TMPRSS15: variants seen among roughly 807,000 people sequenced by gnomAD.
TMPRSS15 encodes enteropeptidase.
A neutral mutation model predicts 125.3 loss-of-function variants in TMPRSS15; 128 were observed. That is an observed-to-expected ratio of 1.02 (90% CI 0.89 to 1.18). The LOEUF is 1.18. Among genes scored for constraint, TMPRSS15 ranks in the 50% most tolerant of loss-of-function variants. TMPRSS15 has a pLI of 0.00. For synonymous variants in TMPRSS15, 446 were observed against 423.2 expected (o/e 1.05, Z -0.66); for missense variants, 1,283 against 1,212.7 (o/e 1.06, Z -0.86).
intron 3 of TMPRSS15, among the ~76,000 whole-genome samples, chr21:18,388,997 G>T (rs1787449244): frequency 6.6e-6 from 1 of 151,776 alleles, no homozygotes; most frequent in African/African-American, 2.4e-5. Flanking sequence ...ATGGGTGTAG[G>T]GGCAGCTCCT....
At chr21:18,362,401 T>C (rs867077626) in intron 7 of TMPRSS15, among the ~76,000 whole-genome samples, 1 of 152,180 alleles carries the variant, frequency 6.6e-6, no homozygotes, top group Non-Finnish European at 1.5e-5. Flanking sequence ...AACGCAAGCA[T>C]GAGGAGCCCC....
intron 3 of TMPRSS15, among the ~76,000 whole-genome samples, chr21:18,386,108 A>G (rs1410421346): frequency 2.6e-5 from 4 of 152,186 alleles, no homozygotes; most frequent in African/African-American, 9.7e-5. Flanking sequence ...TGAAAATTCT[A>G]ACAAGCATAC....
chr21:18,273,759 TA>T (rs1176051342), intron 24 of TMPRSS15, among the ~76,000 whole-genome samples: 1 of 152,146 alleles, frequency 6.6e-6, no homozygotes. Context: ...CTTTTCATTT[TA>T]AAAAAGAAGT....
chr21:18,485,454 T>C (rs1405046985), intron 1 of TMPRSS15, among the ~76,000 whole-genome samples: 1 of 152,038 alleles, frequency 6.6e-6, no homozygotes, highest in Non-Finnish European at 1.5e-5. Context: ...TGGCCTTTTG[T>C]AGATAGCTTT....
intron 1 of TMPRSS15, among the ~76,000 whole-genome samples, chr21:18,440,235 T>C (rs1418702085): frequency 4.0e-5 from 6 of 150,798 alleles, no homozygotes; most frequent in Non-Finnish European, 7.4e-5. Flanking sequence ...TAGCCGGGCA[T>C]GGTGGCGCGC....
At chr21:18,468,860 C>G (rs533053603) in intron 1 of TMPRSS15, among the ~76,000 whole-genome samples, 17 of 152,252 alleles carry the variant, frequency 1.1e-4, no homozygotes, top group African/African-American at 4.1e-4. Context: ...AAGCTGCACC[C>G]TGTTAGGTTT....
chr21:18,458,013 T>G (rs1002871488), intron 1 of TMPRSS15, among the ~76,000 whole-genome samples: 2 of 152,188 alleles, frequency 1.3e-5, no homozygotes, highest in African/African-American at 2.4e-5. Flanking sequence ...GAGCGTATAC[T>G]GCATTGAGAC....
At chr21:18,371,480 G>T (rs1297567759) in intron 6 of TMPRSS15, among the ~76,000 whole-genome samples, 1 of 152,118 alleles carries the variant, frequency 6.6e-6, no homozygotes, top group African/African-American at 2.4e-5. Flanking sequence ...ATAAGTAAAA[G>T]AGTAAATACG....
At chr21:18,308,040 T>A (rs191986246) in intron 18 of TMPRSS15, among the ~76,000 whole-genome samples, 64 of 152,220 alleles carry the variant, frequency 4.2e-4, no homozygotes, top group African/African-American at 1.4e-3. Context: ...CAAGGTCAAG[T>A]CCCCAGTCTC....
chr21:18,288,528 CTTTTTTTTTTTT>C (rs149147539), intron 21 of TMPRSS15, among the ~76,000 whole-genome samples: 1 of 96,936 alleles, frequency 1.0e-5, no homozygotes, highest in African/African-American at 4.0e-5. Context: ...AATGCTCTTC[CTTTTTTTTTTTT>C]TTTTTTTTTT....
chr21:18,416,670 T>C (rs2824812), intron 1 of TMPRSS15, among the ~76,000 whole-genome samples: 96,961 of 151,880 alleles, frequency 0.64, 31,397 homozygotes, highest in Middle Eastern at 0.75. Flanking sequence ...CACAAACTAT[T>C]TGCAGCATAT....
chr21:18,287,921 A>G (rs534124192), intron 21 of TMPRSS15, among the ~76,000 whole-genome samples: 1 of 152,284 alleles, frequency 6.6e-6, no homozygotes, highest in African/African-American at 2.4e-5. Context: ...TCTACTGTCT[A>G]TGACTATTTA....
chr21:18,413,011 C>T (rs2076169909), intron 1 of TMPRSS15, among the ~76,000 whole-genome samples: 2 of 152,106 alleles, frequency 1.3e-5, no homozygotes, highest in South Asian at 4.1e-4. Context: ...TTCATTCTTC[C>T]CTTTCGCCTT....
chr21:18,458,666 T>C (rs115416144), intron 1 of TMPRSS15, among the ~76,000 whole-genome samples: 3,228 of 152,234 alleles, frequency 0.021, 125 homozygotes, highest in African/African-American at 0.074. Flanking sequence ...CTGCAAAAAC[T>C]ATGTATTTCA....
intron 14 of TMPRSS15, among the ~76,000 whole-genome samples, chr21:18,331,103 T>C (rs1322784084): frequency 6.7e-6 from 1 of 149,970 alleles, no homozygotes; most frequent in African/African-American, 2.4e-5. Flanking sequence ...ATGTCTTCAG[T>C]GTGAAGCAGA....
chr21:18,313,325 T>A (rs2075121574), intron 17 of TMPRSS15, among the ~76,000 whole-genome samples: 1 of 146,134 alleles, frequency 6.8e-6, no homozygotes, highest in African/African-American at 2.5e-5. Context: ...CATAATTCAA[T>A]CATTCCTCAA....
intron 4 of TMPRSS15, among the ~76,000 whole-genome samples, chr21:18,383,099 T>C (rs1337131989): frequency 6.6e-6 from 1 of 152,156 alleles, no homozygotes; most frequent in African/African-American, 2.4e-5. Flanking sequence ...TAACAATGTC[T>C]AGAGAGAGTT....
intron 17 of TMPRSS15, among the ~76,000 whole-genome samples, chr21:18,314,590 T>C (rs1205504984): frequency 6.6e-6 from 1 of 152,162 alleles, no homozygotes; most frequent in Admixed American, 6.5e-5. Context: ...CTATACCTAA[T>C]TCTTGTTGTG....
chr21:18,283,342 C>T (rs2074723783), intron 21 of TMPRSS15, among the ~76,000 whole-genome samples: 1 of 130,662 alleles, frequency 7.7e-6, no homozygotes, highest in Non-Finnish European at 1.6e-5. Context: ...CAAGTAGTTA[C>T]TTTATTTTAA....
Sources: gnomAD v4.1 joint callset for allele counts (sites outside exome capture counted in the v4.1 genomes callset) on GRCh38, gnomAD v4.1.1 for gene constraint, MANE v1.5 for transcripts, NCBI Gene and HGNC (gene_info 2026-07-23, HGNC 2026-07-21) for gene names.